SCAPER: variants seen among roughly 807,000 people sequenced by gnomAD.
The protein encoded by SCAPER is S-phase cyclin A associated protein in the ER.
A neutral mutation model predicts 182.2 loss-of-function variants in SCAPER; 98 were observed. The ratio of observed to expected loss-of-function variants is 0.54; its 90% confidence interval spans 0.46 to 0.64. The LOEUF (loss-of-function observed/expected upper bound fraction) is 0.64. Ranked by LOEUF, SCAPER falls within the 30% of genes least tolerant of loss-of-function variation. The probability of loss-of-function intolerance (pLI) is 0.00; values close to 1 mark genes in which losing one functional copy is unlikely to be tolerated. For missense variants in SCAPER, 1,432 were observed against 1,690.0 expected, an observed-to-expected ratio of 0.85 and a Z score of 2.68; for synonymous variants, 605 against 564.6, an observed-to-expected ratio of 1.07 and a Z score of -1.01.
chr15:76,462,208 G>A (rs1315694633), intron 25 of SCAPER, among the ~76,000 whole-genome samples: 1 of 152,152 alleles, frequency 6.6e-6, no homozygotes, highest in Admixed American at 6.6e-5. Flanking sequence ...ATACAACCAG[G>A]AAACTTACCC....
chr15:76,705,027 C>T (rs1478269279), intron 18 of SCAPER, among the ~76,000 whole-genome samples: 1 of 152,184 alleles, frequency 6.6e-6, no homozygotes, highest in East Asian at 1.9e-4. Context: ...ACCATTTGAC[C>T]CAGCCATCCC....
chr15:76,451,200 T>C (rs1426155308), intron 25 of SCAPER, among the ~76,000 whole-genome samples: 1 of 152,264 alleles, frequency 6.6e-6, no homozygotes, highest in African/African-American at 2.4e-5. Flanking sequence ...GTTGTATCAA[T>C]AGTTCATTCC....
intron 5 of SCAPER, among the ~76,000 whole-genome samples, chr15:76,830,553 T>C (rs982338423): frequency 2.6e-5 from 4 of 151,562 alleles, no homozygotes; most frequent in Non-Finnish European, 5.9e-5. Flanking sequence ...AATTAATCCA[T>C]TGGATAGTGA....
chr15:76,650,955 T>C (rs1400793723), intron 21 of SCAPER, among the ~76,000 whole-genome samples: 1 of 152,050 alleles, frequency 6.6e-6, no homozygotes, highest in Non-Finnish European at 1.5e-5. Context: ...AAATTAGAAA[T>C]ATTTTGAACT....
intron 15 of SCAPER, among the ~76,000 whole-genome samples, chr15:76,750,412 A>T (rs1186430943): frequency 6.6e-6 from 1 of 151,954 alleles, no homozygotes; most frequent in Admixed American, 6.6e-5. Context: ...AAGAGGAGGG[A>T]ATACATCCTA....
chr15:76,815,757 G>C (rs1439668588), intron 5 of SCAPER, among the ~76,000 whole-genome samples: 1 of 152,120 alleles, frequency 6.6e-6, no homozygotes, highest in African/African-American at 2.4e-5. Flanking sequence ...CCTTAGGACA[G>C]TCTAATGCCT....
At chr15:76,366,425 C>G (rs1355432173) in intron 29 of SCAPER, among the ~76,000 whole-genome samples, 1 of 152,202 alleles carries the variant, frequency 6.6e-6, no homozygotes, top group Non-Finnish European at 1.5e-5. Context: ...CAGCACTAGT[C>G]TATGACAATT....
At chr15:76,477,936 A>ATT (rs978122569) in intron 24 of SCAPER, among the ~76,000 whole-genome samples, 1 of 145,642 alleles carries the variant, frequency 6.9e-6, no homozygotes, top group African/African-American at 2.5e-5. Context: ...TGCTATCTTA[A>ATT]TTTTTTTTTT....
At chr15:76,658,775 A>G (rs1238344302) in intron 21 of SCAPER, among the ~76,000 whole-genome samples, 4 of 152,208 alleles carry the variant, frequency 2.6e-5, no homozygotes, top group Admixed American at 2.6e-4. Context: ...GCACACCTGC[A>G]GCCATCTCAT....
At chr15:76,683,790 A>T (rs1286286794) in intron 20 of SCAPER, among the ~76,000 whole-genome samples, 1 of 152,092 alleles carries the variant, frequency 6.6e-6, no homozygotes, top group African/African-American at 2.4e-5. Context: ...AAGAAAAAGA[A>T]ATTCCAACCA....
At chr15:76,753,772 G>A in intron 15 of SCAPER, 36 bp downstream of exon 15, 1 of 1,588,658 alleles carries the variant, frequency 6.3e-7, no homozygotes, top group Non-Finnish European at 8.6e-7. Flanking sequence ...AAGTACTTGG[G>A]TAATTAAGTC....
intron 22 of SCAPER, among the ~76,000 whole-genome samples, chr15:76,607,381 G>C (rs1056484068): frequency 4.6e-5 from 7 of 152,260 alleles, no homozygotes; most frequent in Non-Finnish European, 1.0e-4. Context: ...TCTGCTGAGA[G>C]ATCAGCTGTT....
chr15:76,453,271 T>G (rs922424106), intron 25 of SCAPER, among the ~76,000 whole-genome samples: 1 of 152,220 alleles, frequency 6.6e-6, no homozygotes, highest in African/African-American at 2.4e-5. Flanking sequence ...GAACACTGAT[T>G]CTTTGTCACC....
intron 29 of SCAPER, among the ~76,000 whole-genome samples, chr15:76,364,190 C>T (rs1596307644): frequency 6.6e-6 from 1 of 152,160 alleles, no homozygotes; most frequent in African/African-American, 2.4e-5. Context: ...AAATTCCTGT[C>T]CTCCCAGATC....
chr15:76,658,978 C>T (rs1360786545), intron 21 of SCAPER, among the ~76,000 whole-genome samples: 5 of 152,070 alleles, frequency 3.3e-5, no homozygotes, highest in Non-Finnish European at 7.4e-5. Context: ...TAGAAGATAG[C>T]CTAGAAAATA....
chr15:76,422,596 T>C (rs1189457517), intron 26 of SCAPER, among the ~76,000 whole-genome samples: 7 of 152,204 alleles, frequency 4.6e-5, no homozygotes, highest in Non-Finnish European at 4.4e-5. Flanking sequence ...CTTTTCCTAA[T>C]TGAATACCCT....
intron 20 of SCAPER, among the ~76,000 whole-genome samples, chr15:76,689,426 G>A (rs1289744815): frequency 1.3e-5 from 2 of 151,878 alleles, no homozygotes; most frequent in Non-Finnish European, 2.9e-5. Context: ...ATTTTAAAGA[G>A]GCTACTTACT....
intron 21 of SCAPER, among the ~76,000 whole-genome samples, chr15:76,644,347 T>C (rs537448503): frequency 4.5e-4 from 69 of 152,172 alleles, no homozygotes; most frequent in Non-Finnish European, 6.8e-4. Flanking sequence ...GTTGTTTATA[T>C]AAAAATGTGT....
At chr15:76,819,157 G>GA (rs1187823076) in intron 5 of SCAPER, among the ~76,000 whole-genome samples, 1 of 152,228 alleles carries the variant, frequency 6.6e-6, no homozygotes, top group African/African-American at 2.4e-5. Flanking sequence ...TCCACATCTG[G>GA]GGGCAGGGCA....
Sources: allele counts gnomAD v4.1 joint callset (sites outside exome capture counted in the v4.1 genomes callset), GRCh38; gene constraint gnomAD v4.1.1; transcripts MANE v1.5; gene names NCBI Gene and HGNC (gene_info 2026-07-23, HGNC 2026-07-21).